The following PSMA6 variants were observed in gnomAD, a reference collection of about 807,000 sequenced individuals.
PSMA6 encodes proteasome 20S subunit alpha 6.
For missense variants in PSMA6, 170 were observed against 294.8 expected, an observed-to-expected ratio of 0.58 and a Z score of 3.10; for synonymous variants, 88 against 97.7, an observed-to-expected ratio of 0.90 and a Z score of 0.59.
At chr14:35,286,549 G>A (rs1172246870) in intron 1 of PSMA6, among the ~76,000 whole-genome samples, 3 of 152,150 alleles carry the variant, frequency 2.0e-5, no homozygotes, top group African/African-American at 4.8e-5. Flanking sequence ...ATCAAAAGCC[G>A]TAAGAGGATA....
rs762973821 is a variant in PSMA6 at position 35,293,030 on chromosome 14, A to G, written c.76+478A>G. ...AGACACTGCTAGTCCTAGGAGATAC[A>G]AATGTGAATGTTACACCCTCTTCTA... On this transcript the variant is annotated intron_variant, in intron 1 of 6. Transcript: ENST00000261479. 1.1e-4 allele frequency: 49 copies of G among 456,860 alleles called. 1 individual carries two copies. The highest frequency in any genetic ancestry group is 7.6e-4 in the South Asian group (49 of 64,582). The allele number at this position is 456,860 out of a possible 1,614,324, so 28.3% of individuals were successfully genotyped here. A position where few individuals can be genotyped will look rare whatever the true frequency, so the allele number is the denominator to read the frequency against.
intron 1 of PSMA6, among the ~76,000 whole-genome samples, chr14:35,295,518 TCTC>T (rs1478235584): frequency 2.0e-4 from 31 of 151,354 alleles, no homozygotes; most frequent in East Asian, 3.9e-4. Context: ...ATGGCCGTGA[TCTC>T]AGCTCACTGA....
At chr14:35,301,230 C>T (rs1272978976) in intron 1 of PSMA6, among the ~76,000 whole-genome samples, 1 of 152,098 alleles carries the variant, frequency 6.6e-6, no homozygotes, top group African/African-American at 2.4e-5. Context: ...TTTGGCTGAG[C>T]GCAGTGGTTC....
Position 35,305,228 on chromosome 14 carries a change from G to A in PSMA6, c.77-2766G>A, listed in dbSNP as rs578240192. ...TGTGAGCACGGCTCACTGCAGCCTCGACCTCCTGGGCTCAAGTGATCCTCT... is the reference window on the plus strand; with the variant it reads ...TGTGAGCACGGCTCACTGCAGCCTCAACCTCCTGGGCTCAAGTGATCCTCT... On this transcript the variant is annotated intron_variant, in intron 1 of 6. Coordinates refer to ENST00000261479, the MANE Select transcript of PSMA6 (RefSeq NM_002791.3). Among the ~76,000 whole-genome samples the A allele has an allele frequency of 1.4e-3, 213 of 149,746 alleles. 1 individual carries two copies. Among genetic ancestry groups the A allele is most frequent in the African/African-American group, 4.8e-3 (194 of 40,666 alleles).
chr14:35,311,981 GAGTTAA>G (rs2051952584), intron 4 of PSMA6, among the ~76,000 whole-genome samples: 1 of 152,112 alleles, frequency 6.6e-6, no homozygotes, highest in Admixed American at 6.6e-5. Flanking sequence ...AAGAACTACT[GAGTTAA>G]AGTTAAATAG....
At position 35,310,836 on chromosome 14, in the gene PSMA6, G is replaced by A; in HGVS notation, c.350G>A (p.Arg117Lys). The change falls in exon 4 of 7, where the codon AGA becomes AAA. Residue 117 changes from arginine (R) to lysine (K), a missense_variant. By Grantham distance (26) the Arg-to-Lys change is conservative. Coordinates refer to ENST00000261479, the MANE Select transcript of PSMA6 (RefSeq NM_002791.3). ...ATTCCTGTGGACATGCTGTGTAAAAGAATTGCCGATATTTCTCAGGTCTAC... is the reference window on the plus strand; with the variant it reads ...ATTCCTGTGGACATGCTGTGTAAAAAAATTGCCGATATTTCTCAGGTCTAC... Reference protein sequence around the residue: ...YEIPVDMLCKRIADISQVYTQ... With the variant: ...YEIPVDMLCKKIADISQVYTQ... 1 of 1,613,766 alleles carries A rather than the reference G, an allele frequency of 6.2e-7. No homozygotes were observed. Among genetic ancestry groups the A allele is most frequent in the Middle Eastern group, 1.7e-4 (1 of 5,884 alleles).
chr14:35,292,202 A>T (rs907542006), upstream of PSMA6: 8 of 828,814 alleles, frequency 9.7e-6, no homozygotes, highest in African/African-American at 1.8e-5. Context: ...AAGCGCCACG[A>T]CCCAAGTTTC....
chr14:35,279,683 G>C (rs999116758), intron 1 of PSMA6, among the ~76,000 whole-genome samples: 1 of 152,200 alleles, frequency 6.6e-6, no homozygotes, highest in Non-Finnish European at 1.5e-5. Context: ...TGAAGAGAAC[G>C]TCTAAGGAAC....
intron 1 of PSMA6, among the ~76,000 whole-genome samples, chr14:35,283,552 CT>C (rs750836861): frequency 0.19 from 23,782 of 126,606 alleles, 2,052 homozygotes; most frequent in African/African-American, 0.26. Context: ...GACTAGAACT[CT>C]TTTTTTTTTT....
At position 35,310,773 on chromosome 14, in the gene PSMA6, A is replaced by G; in HGVS notation, c.287A>G (p.Tyr96Cys). ...DSRSQVQRARYEAANWKYKYG... is the reference protein window; with the variant it reads ...DSRSQVQRARCEAANWKYKYG... ...AGATCCCAGGTACAGAGGGCACGCT[A>G]TGAGGCAGCTAACTGGAAATACAAG... The change falls in exon 4 of 7, where the codon TAT (tyrosine) becomes TGT (cysteine). Residue 96 changes from tyrosine (Y) to cysteine (C), a missense_variant. By Grantham distance (194) the Tyr-to-Cys change is radical (BLOSUM62 -2). Transcript: ENST00000261479. 2 of 1,612,522 alleles carry G rather than the reference A, an allele frequency of 1.2e-6. No individual in the cohort carries two copies. Among genetic ancestry groups the G allele is most frequent in the South Asian group, 2.2e-5 (2 of 91,008 alleles).
intron 1 of PSMA6, among the ~76,000 whole-genome samples, chr14:35,285,339 C>CAAAAAAAAAAAAAAAAAAA (rs758651038): frequency 5.5e-5 from 3 of 54,566 alleles, no homozygotes; most frequent in African/African-American, 1.4e-4. Context: ...AACTCTATCT[C>CAAAAAAAAAAAAAAAAAAA]AAAAAAAACA....
At chr14:35,306,181 A>AT (rs970336168) in intron 1 of PSMA6, among the ~76,000 whole-genome samples, 4 of 151,912 alleles carry the variant, frequency 2.6e-5, no homozygotes, top group African/African-American at 9.7e-5. Flanking sequence ...GTGAGCTATG[A>AT]TCATGCCCTG....
chr14:35,312,506 C>CA (rs200184285), intron 4 of PSMA6, among the ~76,000 whole-genome samples: 5,361 of 99,684 alleles, frequency 0.054, 660 homozygotes, highest in African/African-American at 0.11. Flanking sequence ...GAGTCTGTCT[C>CA]AAAAAAAAAA....
chr14:35,312,014 A>G (rs1436519895), intron 4 of PSMA6, among the ~76,000 whole-genome samples: 1 of 152,174 alleles, frequency 6.6e-6, no homozygotes, highest in Non-Finnish European at 1.5e-5. Context: ...CTACAACAGA[A>G]TATTTCACAG....
chr14:35,300,742 T>A (rs2138729845), intron 1 of PSMA6, among the ~76,000 whole-genome samples: 1 of 152,294 alleles, frequency 6.6e-6, no homozygotes, highest in South Asian at 2.1e-4. Context: ...TCCCACGCAC[T>A]TTCCCCGCTC....
At chr14:35,290,151 T>C (rs1003026100), upstream of PSMA6, among the ~76,000 whole-genome samples, 10 of 151,950 alleles carry the variant, frequency 6.6e-5, no homozygotes, top group Non-Finnish European at 1.3e-4. Flanking sequence ...CATTGGCAAT[T>C]AGAGAAGATC....
chr14:35,278,648 G>A (rs528971563), exon 1 of PSMA6: 13 of 1,534,166 alleles, frequency 8.5e-6, no homozygotes, highest in Non-Finnish European at 1.1e-5. Context: ...CCTAGGCTGG[G>A]AGAATGGGAT....
intron 4 of PSMA6, 81 bp from the exon 5 acceptor site, chr14:35,312,800 C>T: frequency 8.0e-7 from 1 of 1,246,292 alleles, no homozygotes; most frequent in African/African-American, 1.6e-5. Flanking sequence ...TGATTAGCAG[C>T]AGCTATGTGA....
intron 1 of PSMA6, among the ~76,000 whole-genome samples, chr14:35,299,602 G>C (rs565387919): frequency 6.6e-6 from 1 of 152,060 alleles, no homozygotes; most frequent in South Asian, 2.1e-4. Context: ...GATTACAGGC[G>C]TGAGCCACCA....
Sources: gnomAD v4.1 joint callset for allele counts (sites outside exome capture counted in the v4.1 genomes callset) on GRCh38, gnomAD v4.1.1 for gene constraint, MANE v1.5 for transcripts, NCBI Gene and HGNC (gene_info 2026-07-23, HGNC 2026-07-21) for gene names.